Variants in LEKR1 observed in about 807,000 individuals in gnomAD.
LEKR1 encodes protein LEKR1.
LEKR1 carries 59 observed loss-of-function variants against 72.4 expected under a neutral mutation model. The ratio of observed to expected loss-of-function variants is 0.82; its 90% CI spans 0.66 to 1.01. The LOEUF (loss-of-function observed/expected upper bound fraction) is 1.01. LEKR1 is among the 50% of genes least tolerant of loss of function. The probability of loss-of-function intolerance (pLI) is 0.00; values close to 1 mark genes in which losing one functional copy is unlikely to be tolerated. For synonymous variants in LEKR1, 257 were observed against 263.2 expected, an observed-to-expected ratio of 0.98 and a Z score of 0.23; for missense variants, 728 against 759.2, an observed-to-expected ratio of 0.96 and a Z score of 0.48.
chr3:157,028,080 C>T, intron 11 of LEKR1, 23 bp from the exon 12 acceptor site: 4 of 1,487,350 alleles, frequency 2.7e-6, no homozygotes, highest in South Asian at 2.7e-5. Context: ...CGCCTACAAG[C>T]TAATATGAGA....
intron 9 of LEKR1, among the ~76,000 whole-genome samples, chr3:157,010,925 T>G (rs1211551043): frequency 2.0e-5 from 3 of 152,130 alleles, no homozygotes; most frequent in Non-Finnish European, 4.4e-5. Context: ...CCTATCAATA[T>G]TTGAGATAAG....
intron 9 of LEKR1, among the ~76,000 whole-genome samples, chr3:157,010,345 G>A (rs1263672651): frequency 2.0e-5 from 3 of 152,034 alleles, no homozygotes. Flanking sequence ...AAAAGAGAGA[G>A]AAGAAAATGT....
chr3:156,916,166 C>T (rs758859678), intron 3 of LEKR1, among the ~76,000 whole-genome samples: 4 of 151,830 alleles, frequency 2.6e-5, no homozygotes, highest in African/African-American at 7.3e-5. Context: ...ACTGTAGCCC[C>T]GTAGCATAGT....
At chr3:157,016,420 G>C (rs1255320838) in intron 10 of LEKR1, among the ~76,000 whole-genome samples, 1 of 152,062 alleles carries the variant, frequency 6.6e-6, no homozygotes, top group African/African-American at 2.4e-5. Context: ...TAGTAGGATT[G>C]AAAGTACTAG....
intron 5 of LEKR1, among the ~76,000 whole-genome samples, chr3:156,928,056 C>T (rs147884698): frequency 3.3e-5 from 5 of 152,008 alleles, no homozygotes; most frequent in Non-Finnish European, 7.4e-5. Flanking sequence ...GAAAGGGCTA[C>T]GTACTATATT....
chr3:156,898,913 GT>G (rs1339991942), intron 3 of LEKR1, among the ~76,000 whole-genome samples: 1 of 152,158 alleles, frequency 6.6e-6, no homozygotes, highest in African/African-American at 2.4e-5. Flanking sequence ...TCCTCAAAAG[GT>G]TTAAATGAAA....
At chr3:157,013,199 C>G (rs1251428683) in intron 10 of LEKR1, among the ~76,000 whole-genome samples, 1 of 152,132 alleles carries the variant, frequency 6.6e-6, no homozygotes, top group Non-Finnish European at 1.5e-5. Context: ...CATTCCTCTT[C>G]TCAAACTCCT....
chr3:156,836,785 A>G (rs1429122311), intron 2 of LEKR1, among the ~76,000 whole-genome samples: 1 of 152,232 alleles, frequency 6.6e-6, no homozygotes, highest in African/African-American at 2.4e-5. Context: ...CTGTCCATGG[A>G]GAAGAAAAGA....
intron 3 of LEKR1, among the ~76,000 whole-genome samples, chr3:156,856,716 T>G (rs1716104805): frequency 6.6e-6 from 1 of 152,140 alleles, no homozygotes; most frequent in Admixed American, 6.5e-5. Flanking sequence ...TTTATTACAT[T>G]TTTTTGAATG....
chr3:157,027,266 G>A (rs570267097), intron 11 of LEKR1, among the ~76,000 whole-genome samples: 32 of 151,386 alleles, frequency 2.1e-4, no homozygotes, highest in African/African-American at 7.8e-4. Flanking sequence ...CTACCATATT[G>A]GATAGCATAG....
At chr3:156,985,182 A>G (rs1000096473) in intron 7 of LEKR1, among the ~76,000 whole-genome samples, 1 of 152,244 alleles carries the variant, frequency 6.6e-6, no homozygotes. Context: ...AGATTGGCAC[A>G]TTTCCATAGA....
chr3:156,886,994 A>G (rs1356220206), intron 3 of LEKR1, among the ~76,000 whole-genome samples: 1 of 152,162 alleles, frequency 6.6e-6, no homozygotes, highest in Non-Finnish European at 1.5e-5. Flanking sequence ...TCCATGTGGG[A>G]GCTACACATT....
intron 2 of LEKR1, among the ~76,000 whole-genome samples, chr3:156,846,016 C>T (rs772503839): frequency 7.3e-5 from 11 of 151,544 alleles, no homozygotes; most frequent in East Asian, 1.9e-4. Flanking sequence ...TTTCAGCATA[C>T]GAATCTTGTA....
At chr3:156,870,194 T>C (rs1379995395) in intron 3 of LEKR1, among the ~76,000 whole-genome samples, 1 of 152,058 alleles carries the variant, frequency 6.6e-6, no homozygotes, top group Admixed American at 6.6e-5. Context: ...TTGAACTCCC[T>C]TGGTTCCACG....
chr3:156,868,163 C>T (rs1717521250), intron 3 of LEKR1, among the ~76,000 whole-genome samples: 1 of 152,028 alleles, frequency 6.6e-6, no homozygotes, highest in Admixed American at 6.6e-5. Context: ...CAGCAGGCAA[C>T]CTTACTCACA....
intron 11 of LEKR1, 29 bp downstream of exon 11, chr3:157,024,953 TA>T: frequency 6.8e-7 from 1 of 1,469,090 alleles, no homozygotes; most frequent in African/African-American, 1.4e-5. Flanking sequence ...CATCATTATT[TA>T]ATAGATTTGA....
intron 6 of LEKR1, among the ~76,000 whole-genome samples, chr3:156,959,760 TA>T (rs774044418): frequency 6.6e-5 from 10 of 152,222 alleles, no homozygotes; most frequent in Non-Finnish European, 1.2e-4. Flanking sequence ...ATGAAATATA[TA>T]TTTTATACCT....
chr3:157,045,919 C>A lies in LEKR1; in HGVS notation c.*169C>A. The A allele has an allele frequency of 1.6e-6, 1 of 625,718 alleles. No homozygotes were observed. The allele number at this position is 625,718 out of a possible 1,614,324, so 38.8% of individuals were successfully genotyped here. ...TGTAAAAAGCTGGAAAATTGTGAAGCCTTATTTTTCAAGAGGGTTTTGATA... is the reference window on the plus strand; with the variant it reads ...TGTAAAAAGCTGGAAAATTGTGAAGACTTATTTTTCAAGAGGGTTTTGATA... On this transcript the variant is annotated 3_prime_UTR_variant, in exon 13 of 13. Coordinates refer to ENST00000356539, the MANE Select transcript of LEKR1 (RefSeq NM_001004316.3).
At chr3:156,936,900 T>G (rs1725763485) in intron 5 of LEKR1, among the ~76,000 whole-genome samples, 1 of 152,146 alleles carries the variant, frequency 6.6e-6, no homozygotes, top group African/African-American at 2.4e-5. Context: ...CTTTGGGGCC[T>G]AGGATTAGGC....
Sources: allele counts gnomAD v4.1 joint callset (sites outside exome capture counted in the v4.1 genomes callset), GRCh38; gene constraint gnomAD v4.1.1; transcripts MANE v1.5; gene names NCBI Gene and HGNC (gene_info 2026-07-23, HGNC 2026-07-21).